The following FOXK2 variants were observed in gnomAD, a reference collection of about 807,000 sequenced individuals.
The protein encoded by FOXK2 is forkhead box protein K2.
A neutral mutation model predicts 53.3 loss-of-function variants in FOXK2; 24 were observed. The ratio of observed to expected loss-of-function variants is 0.45; its 90% CI spans 0.33 to 0.63. The LOEUF (loss-of-function observed/expected upper bound fraction) is 0.63. FOXK2 is among the 30% of genes least tolerant of loss of function. The pLI, the probability that FOXK2 is intolerant of heterozygous loss-of-function variation, is 0.03. For missense variants in FOXK2, 952 were observed against 910.5 expected, an observed-to-expected ratio of 1.05 and a Z score of -0.59; for synonymous variants, 505 against 407.1, an observed-to-expected ratio of 1.24 and a Z score of -2.89.
chr17:82,553,134 C>G (rs2044692724), intron 1 of FOXK2, among the ~76,000 whole-genome samples: 1 of 152,182 alleles, frequency 6.6e-6, no homozygotes, highest in African/African-American at 2.4e-5. Flanking sequence ...TGGGGTTTCA[C>G]TATGTTGGCC....
chr17:82,529,445 A>C (rs2044450899), intron 1 of FOXK2, among the ~76,000 whole-genome samples: 1 of 148,296 alleles, frequency 6.7e-6, no homozygotes, highest in African/African-American at 2.5e-5. Flanking sequence ...GCTGGAATGC[A>C]GTGGCACGAT....
intron 4 of FOXK2, chr17:82,577,184 G>T: frequency 9.9e-7 from 1 of 1,008,374 alleles, no homozygotes; most frequent in South Asian, 1.3e-5. Context: ...AAGAAAAAAA[G>T]AAATGTATTC....
chr17:82,524,557 C>G (rs2044398680), intron 1 of FOXK2, among the ~76,000 whole-genome samples: 2 of 152,098 alleles, frequency 1.3e-5, no homozygotes, highest in South Asian at 4.1e-4. Flanking sequence ...AGCCTCGAGC[C>G]CAGTGTGATT....
chr17:82,573,539 C>CTG (rs2044944027), intron 4 of FOXK2, among the ~76,000 whole-genome samples: 1 of 86,342 alleles, frequency 1.2e-5, no homozygotes, highest in Non-Finnish European at 2.5e-5. Flanking sequence ...CACACACACT[C>CTG]TCTCTCTCTC....
intron 1 of FOXK2, among the ~76,000 whole-genome samples, chr17:82,520,964 AT>A (rs1363540519): frequency 3.3e-5 from 5 of 152,184 alleles, no homozygotes; most frequent in Non-Finnish European, 7.3e-5. Flanking sequence ...ATTAGGAATT[AT>A]TACAAGGTCA....
At position 82,566,427 on chromosome 17, in the gene FOXK2, C is replaced by T. The variant is rs374273382; in HGVS notation, c.615-1627C>T. On this transcript the variant is annotated intron_variant, in intron 2 of 8. Transcript: ENST00000335255. Reference sequence around the variant, plus strand: ...TGCTCCTTTGCTGAGAGGCTGCCCTCTCTCTTGGCTGAATTTGGCTGAACA... The same window carrying T: ...TGCTCCTTTGCTGAGAGGCTGCCCTTTCTCTTGGCTGAATTTGGCTGAACA... Among the ~76,000 whole-genome samples the T allele has an allele frequency of 7.6e-4, 115 of 152,244 alleles. 2 individuals carry two copies. In the South Asian group the frequency reaches 0.023, roughly 30 times the overall value.
At chr17:82,532,575 C>A (rs1183278960) in intron 1 of FOXK2, among the ~76,000 whole-genome samples, 1 of 152,142 alleles carries the variant, frequency 6.6e-6, no homozygotes, top group South Asian at 2.1e-4. Context: ...ATTGTGCAGA[C>A]ATAAAAAAAT....
At position 82,601,309 on chromosome 17, in the gene FOXK2, C is replaced by T. The variant is rs1358119902; in HGVS notation, c.1793C>T (p.Ala598Val). 14 of 1,610,878 alleles carry T rather than the reference C, an allele frequency of 8.7e-6. No homozygotes were observed. The highest frequency in any genetic ancestry group is 6.7e-5 in the East Asian group (3 of 44,812). Residue 598 changes from alanine to valine, a missense_variant, in exon 9 of 9, where the codon GCG becomes GTG. This residue lies in a region of FOXK2 where 551 missense variants were observed against 385.1 expected (regional missense o/e 1.43). Transcript: ENST00000335255. ...CTCCCTCGTGTCATTTCAGCCGCGGCGAGTCCTTTGCACATGTTGGCAACA... is the reference window on the plus strand; with the variant it reads ...CTCCCTCGTGTCATTTCAGCCGCGGTGAGTCCTTTGCACATGTTGGCAACA... ...AVHGQVNNAA[A>V]SPLHMLATHA... is the part of the protein sequence containing the mutation.
Position 82,520,160 on chromosome 17 carries a change from A to T in FOXK2, c.272A>T (p.His91Leu). Reference protein sequence around the residue: ...EIFTPPGGGGHGGAAPELPPA... With the variant: ...EIFTPPGGGGLGGAAPELPPA... ...TTCACGCCCCCGGGCGGCGGCGGCC[A>T]TGGCGGGGCCGCTCCGGAGCTGCCG... Residue 91 changes from histidine to leucine, a missense_variant, in exon 1 of 9, where the codon CAT becomes CTT. Transcript: ENST00000335255. The T allele has an allele frequency of 6.6e-7, 1 of 1,508,604 alleles. No homozygotes were observed. Among genetic ancestry groups the T allele is most frequent in the Non-Finnish European group, 8.9e-7 (1 of 1,127,970 alleles). 93.5% of individuals were successfully genotyped at this position (1,508,604 alleles called of 1,614,324 possible).
intron 4 of FOXK2, among the ~76,000 whole-genome samples, chr17:82,575,357 C>G (rs2044970044): frequency 6.6e-6 from 1 of 152,132 alleles, no homozygotes; most frequent in African/African-American, 2.4e-5. Flanking sequence ...TAGTCTATTT[C>G]TAGCACACAG....
intron 4 of FOXK2, among the ~76,000 whole-genome samples, chr17:82,573,336 T>C (rs1388366892): frequency 6.6e-6 from 1 of 152,068 alleles, no homozygotes; most frequent in Non-Finnish European, 1.5e-5. Context: ...ACCTGGAGTG[T>C]CTATACCCTG....
chr17:82,587,505 G>A (rs1043079762), intron 8 of FOXK2: 1 of 554,764 alleles, frequency 1.8e-6, no homozygotes, highest in Non-Finnish European at 3.2e-6. Context: ...CTAATACATT[G>A]AGAGGGAAAA....
At chr17:82,585,409 C>T (rs564672665) in intron 6 of FOXK2, 1 of 154,852 alleles carries the variant, frequency 6.5e-6, no homozygotes, top group African/African-American at 2.4e-5. Context: ...ACTGCAGTCT[C>T]CACCTTCCAG....
chr17:82,536,443 A>G (rs1030211819), intron 1 of FOXK2, among the ~76,000 whole-genome samples: 13 of 152,120 alleles, frequency 8.5e-5, no homozygotes, highest in African/African-American at 1.4e-4. Flanking sequence ...GCCAAAGGAT[A>G]TAGGGGCCCT....
In FOXK2 at chr17:82,582,747, A is replaced by G. The variant is rs2045079104; in HGVS notation, c.916A>G (p.Ile306Val). 4 of 1,578,494 alleles carry G rather than the reference A, an allele frequency of 2.5e-6. No homozygotes were observed. The highest frequency in any genetic ancestry group is 3.4e-6 in the Non-Finnish European group (4 of 1,167,082). ...RTADKGWQNS[I>V]RHNLSLNRYF... is the part of the protein sequence containing the mutation. Reference sequence around the variant, plus strand: ...ATTTTTTTATGTTTCATAGAATTCAATTCGCCACAATCTCTCTCTGAATCG... The same window carrying G: ...ATTTTTTTATGTTTCATAGAATTCAGTTCGCCACAATCTCTCTCTGAATCG... The change falls in exon 5 of 9, where the codon ATT becomes GTT. Residue 306 changes from isoleucine (I) to valine (V), a missense_variant. By Grantham distance (29) the Ile-to-Val change is conservative. Transcript: ENST00000335255.
intron 1 of FOXK2, among the ~76,000 whole-genome samples, chr17:82,525,424 C>T (rs1236720818): frequency 6.6e-6 from 1 of 152,104 alleles, no homozygotes; most frequent in African/African-American, 2.4e-5. Context: ...GGTCATCTGC[C>T]CACCTCGGCC....
chr17:82,565,317 T>C (rs2044841342), intron 2 of FOXK2, among the ~76,000 whole-genome samples: 1 of 152,088 alleles, frequency 6.6e-6, no homozygotes, highest in Non-Finnish European at 1.5e-5. Context: ...AAAAGACAAA[T>C]TGAACTTCTT....
Position 82,563,435 on chromosome 17 carries a change from G to C in FOXK2, c.501G>C (p.Ala167=), listed in dbSNP as rs148118470. The C allele has an allele frequency of 3.1e-6, 5 of 1,614,142 alleles. No homozygotes were observed. Among genetic ancestry groups the C allele is most frequent in the Non-Finnish European group, 4.2e-6 (5 of 1,180,030 alleles). The part of the protein sequence containing the change: ...LSSEKREKQE[A]SESPVKAVQP... ...GCGAGAAGAGAGAGAAGCAGGAGGC[G>C]TCTGAGTCTCCAGTGAAGGCCGTAC... The change falls in exon 2 of 9, where the codon GCG becomes GCC. Residue 167 remains alanine, a synonymous_variant. Transcript: ENST00000335255.
At chr17:82,573,765 G>T (rs1171710612) in intron 4 of FOXK2, among the ~76,000 whole-genome samples, 1 of 152,220 alleles carries the variant, frequency 6.6e-6, no homozygotes, top group Non-Finnish European at 1.5e-5. Flanking sequence ...CTGGGGCTTT[G>T]TCAGTGTGTT....
Sources: allele counts gnomAD v4.1 joint callset (sites outside exome capture counted in the v4.1 genomes callset), GRCh38; gene constraint gnomAD v4.1.1; regional missense constraint gnomAD v4.1.1; transcripts MANE v1.5; gene names NCBI Gene and HGNC (gene_info 2026-07-23, HGNC 2026-07-21).